KAZN: variants seen among roughly 807,000 people sequenced by gnomAD.
KAZN encodes the protein kazrin, periplakin interacting protein.
In KAZN, 40 loss-of-function variants were observed where a neutral mutation model predicts 87.4. That is an observed-to-expected ratio of 0.46 (90% CI 0.36 to 0.60). KAZN has a LOEUF of 0.60. Among genes scored for constraint, KAZN ranks in the 20% least tolerant of loss-of-function variants. The pLI, the probability that KAZN is intolerant of heterozygous loss-of-function variation, is 0.00. For synonymous variants in KAZN, 466 were observed against 458.3 expected (o/e 1.02, Z -0.22); for missense variants, 898 against 1,073.9 (o/e 0.84, Z 2.29).
At chr1:14,537,678 C>G (rs559603769) in intron 2 of KAZN, among the ~76,000 whole-genome samples, 3 of 152,278 alleles carry the variant, frequency 2.0e-5, no homozygotes, top group East Asian at 1.9e-4. Context: ...TGGGAAGATC[C>G]TATAAGATGC....
At chr1:14,426,753 A>C (rs1309687481) in intron 2 of KAZN, among the ~76,000 whole-genome samples, 1 of 152,080 alleles carries the variant, frequency 6.6e-6, no homozygotes, top group Non-Finnish European at 1.5e-5. Context: ...AGTGCCTCCC[A>C]AGCTGAGAAG....
chr1:14,440,103 G>C (rs1019917592), intron 2 of KAZN, among the ~76,000 whole-genome samples: 16 of 152,186 alleles, frequency 1.1e-4, no homozygotes, highest in African/African-American at 3.9e-4. Context: ...TAGAACACCA[G>C]CTCCACCAAG....
At chr1:14,405,295 G>A (rs1313698929) in intron 2 of KAZN, among the ~76,000 whole-genome samples, 2 of 152,172 alleles carry the variant, frequency 1.3e-5, no homozygotes, top group Admixed American at 1.3e-4. Flanking sequence ...TGTGATATTA[G>A]AATTGGTTGT....
At chr1:13,920,691 G>A (rs927698140) in intron 1 of KAZN, among the ~76,000 whole-genome samples, 1 of 152,104 alleles carries the variant, frequency 6.6e-6, no homozygotes, top group African/African-American at 2.4e-5. Context: ...GTGTAGGGGA[G>A]AGTTTTATTG....
At chr1:14,152,131 A>C (rs942406698) in intron 1 of KAZN, among the ~76,000 whole-genome samples, 1 of 152,198 alleles carries the variant, frequency 6.6e-6, no homozygotes, top group Non-Finnish European at 1.5e-5. Context: ...ATATGGGTAA[A>C]TGGGGCATCC....
At chr1:15,017,445 A>G (rs1670234900) in intron 2 of KAZN, among the ~76,000 whole-genome samples, 1 of 152,172 alleles carries the variant, frequency 6.6e-6, no homozygotes, top group Non-Finnish European at 1.5e-5. Context: ...CTAGGAGATG[A>G]TAGGTTGTCT....
intron 2 of KAZN, among the ~76,000 whole-genome samples, chr1:14,435,986 C>T (rs1182136103): frequency 2.0e-5 from 3 of 152,144 alleles, no homozygotes; most frequent in Non-Finnish European, 4.4e-5. Context: ...GAGTCAAATA[C>T]TGTCACAATG....
At chr1:15,092,061 T>TG (rs1352185890) in intron 8 of KAZN, among the ~76,000 whole-genome samples, 5 of 58,782 alleles carry the variant, frequency 8.5e-5, no homozygotes, top group East Asian at 8.3e-3. Flanking sequence ...TGTTTTTTTG[T>TG]TTTTTTTTTT....
chr1:15,103,729 C>T (rs954777609), intron 12 of KAZN, among the ~76,000 whole-genome samples: 1 of 152,152 alleles, frequency 6.6e-6, no homozygotes. Flanking sequence ...GCTTTGCTCA[C>T]ATGGGGTAGA....
At chr1:14,399,177 A>G (rs1557690944) in intron 2 of KAZN, among the ~76,000 whole-genome samples, 1 of 151,662 alleles carries the variant, frequency 6.6e-6, no homozygotes, top group Admixed American at 6.6e-5. Flanking sequence ...TTATTTATTT[A>G]TTTATATTTA....
intron 1 of KAZN, among the ~76,000 whole-genome samples, chr1:14,740,029 A>G (rs560061538): frequency 6.6e-6 from 1 of 152,232 alleles, no homozygotes; most frequent in East Asian, 1.9e-4. Context: ...TTTCCTTTCT[A>G]GGAGGCACCT....
At chr1:14,685,110 T>A (rs1268690265) in intron 1 of KAZN, among the ~76,000 whole-genome samples, 1 of 152,114 alleles carries the variant, frequency 6.6e-6, no homozygotes, top group Non-Finnish European at 1.5e-5. Flanking sequence ...AACAAATAGT[T>A]TATCTGAAAG....
In KAZN at chr1:14,307,153, C is replaced by T. The variant is rs918243601; in HGVS notation, c.249+126561C>T. Among the ~76,000 whole-genome samples, 5 of 152,160 alleles carry T rather than the reference C, an allele frequency of 3.3e-5. No individual in the cohort carries two copies. In the South Asian group the frequency reaches 8.3e-4, roughly 25 times the overall value. ...ACAAGTTCATATGCCACTGCCTCCT[C>T]GTGAAGTCCTGCCTGATCACCTGTT... On this transcript the variant is annotated intron_variant, in intron 2 of 16. Coordinates refer to the KAZN transcript ENST00000636203.
intron 3 of KAZN, among the ~76,000 whole-genome samples, chr1:15,035,509 A>G (rs998340977): frequency 6.6e-6 from 1 of 152,144 alleles, no homozygotes; most frequent in African/African-American, 2.4e-5. Context: ...TCTCTCTGGT[A>G]TCTGTGGTAT....
At chr1:14,010,540 G>T (rs1399701578) in intron 1 of KAZN, among the ~76,000 whole-genome samples, 2 of 152,166 alleles carry the variant, frequency 1.3e-5, no homozygotes, top group Admixed American at 6.5e-5. Context: ...GCAATCCTTT[G>T]CAGCCAAAAG....
intron 1 of KAZN, among the ~76,000 whole-genome samples, chr1:13,927,589 G>A (rs1168598021): frequency 6.6e-6 from 1 of 152,134 alleles, no homozygotes; most frequent in African/African-American, 2.4e-5. Flanking sequence ...CAATGGTACT[G>A]TTGCATTCTT....
intron 2 of KAZN, among the ~76,000 whole-genome samples, chr1:14,320,355 TTTTA>T (rs1218398561): frequency 6.6e-6 from 1 of 152,124 alleles, no homozygotes; most frequent in African/African-American, 2.4e-5. Flanking sequence ...ATAATCTATA[TTTTA>T]TTTATTTCTC....
chr1:14,054,382 A>G (rs1357814197), intron 1 of KAZN, among the ~76,000 whole-genome samples: 1 of 152,246 alleles, frequency 6.6e-6, no homozygotes, highest in African/African-American at 2.4e-5. Flanking sequence ...AATCAGCTCC[A>G]CAAGAACCTC....
intron 1 of KAZN, among the ~76,000 whole-genome samples, chr1:13,925,567 TGAG>T (rs1443512247): frequency 1.3e-5 from 2 of 152,044 alleles, no homozygotes; most frequent in Non-Finnish European, 2.9e-5. Context: ...AGGCAATGAA[TGAG>T]GAGAAAATAG....
Sources: allele counts gnomAD v4.1 joint callset (sites outside exome capture counted in the v4.1 genomes callset), GRCh38; gene constraint gnomAD v4.1.1; transcripts MANE v1.5; gene names NCBI Gene and HGNC (gene_info 2026-07-23, HGNC 2026-07-21).